Variants in HTR4 observed in about 807,000 individuals in gnomAD.
The protein encoded by HTR4 is 5-hydroxytryptamine receptor 4.
HTR4 carries 16 observed loss-of-function variants against 36.8 expected under a neutral mutation model. The observed-to-expected ratio is 0.43, with a 90% CI of 0.29 to 0.66. The LOEUF is 0.66. HTR4 is among the 30% of genes least tolerant of loss of function. The pLI is 0.13. For synonymous variants in HTR4, 189 were observed against 185.1 expected (o/e 1.02, Z -0.17); for missense variants, 438 against 490.9 (o/e 0.89, Z 1.02).
intron 5 of HTR4, among the ~76,000 whole-genome samples, chr5:148,452,527 C>T (rs1754998810): frequency 1.3e-5 from 2 of 152,124 alleles, no homozygotes; most frequent in South Asian, 4.1e-4. Flanking sequence ...CAGTGTTGTA[C>T]GATACATAGC....
intron 5 of HTR4, among the ~76,000 whole-genome samples, chr5:148,515,843 G>A (rs1195637337): frequency 6.6e-6 from 1 of 151,666 alleles, no homozygotes; most frequent in Non-Finnish European, 1.5e-5. Context: ...TTGAATCTCT[G>A]ACTGATGGCT....
At chr5:148,641,259 T>C (rs965814658) in intron 1 of HTR4, among the ~76,000 whole-genome samples, 5 of 152,154 alleles carry the variant, frequency 3.3e-5, no homozygotes, top group African/African-American at 1.2e-4. Context: ...CAGGTACAAG[T>C]TGTGTCACTT....
rs925490214 is a variant in HTR4 at position 148,482,699 on chromosome 5, T to C, written c.*504A>G. The stretch of plus-strand genomic sequence containing the variant: ...AACAGGGCGAAGAAGAGGCAGGGGA[T>C]AGCTTGAACATGGCTGTGACGGACG... On this transcript the variant is annotated 3_prime_UTR_variant, in exon 7 of 7. Coordinates refer to ENST00000377888, the MANE Select transcript of HTR4 (RefSeq NM_000870.7). 17 of 1,004,920 alleles carry C rather than the reference T, an allele frequency of 1.7e-5. No individual in the cohort carries two copies. Among genetic ancestry groups the C allele is most frequent in the Non-Finnish European group, 1.8e-5 (15 of 840,218 alleles). The allele number at this position is 1,004,920 out of a possible 1,614,324, so 62.3% of individuals were successfully genotyped here.
chr5:148,591,161 GCTCT>G (rs1334588824), intron 2 of HTR4, among the ~76,000 whole-genome samples: 1 of 151,944 alleles, frequency 6.6e-6, no homozygotes, highest in Non-Finnish European at 1.5e-5. Context: ...TTATTTCTGG[GCTCT>G]CTATTATGTT....
intron 4 of HTR4, among the ~76,000 whole-genome samples, chr5:148,547,675 T>C (rs964751900): frequency 1.3e-5 from 2 of 152,006 alleles, no homozygotes; most frequent in African/African-American, 4.8e-5. Flanking sequence ...TGAGGATAAC[T>C]TGAGCACAGT....
chr5:148,470,658 C>A (rs1755545846), intron 5 of HTR4, among the ~76,000 whole-genome samples: 1 of 152,226 alleles, frequency 6.6e-6, no homozygotes, highest in Non-Finnish European at 1.5e-5. Context: ...ACTTGGCCCA[C>A]AGAGCTGTAG....
chr5:148,633,191 C>T (rs892825170), intron 2 of HTR4, among the ~76,000 whole-genome samples: 46 of 152,196 alleles, frequency 3.0e-4, no homozygotes, highest in African/African-American at 1.1e-3. Flanking sequence ...GGGCCTGATT[C>T]ACTGCCAGCT....
chr5:148,537,641 T>A (rs1758890483), intron 4 of HTR4, among the ~76,000 whole-genome samples: 1 of 152,126 alleles, frequency 6.6e-6, no homozygotes, highest in Middle Eastern at 3.4e-3. Flanking sequence ...CTAGAAGAGA[T>A]GGATAAATTC....
At chr5:148,633,062 C>A (rs1252426997) in intron 2 of HTR4, among the ~76,000 whole-genome samples, 2 of 152,052 alleles carry the variant, frequency 1.3e-5, no homozygotes, top group African/African-American at 4.8e-5. Flanking sequence ...AAAAAACAGA[C>A]CAATAAAACA....
chr5:148,491,898 A>C (rs1756463920), intron 6 of HTR4, among the ~76,000 whole-genome samples: 2 of 152,180 alleles, frequency 1.3e-5, no homozygotes, highest in Admixed American at 1.3e-4. Context: ...CTCCTAAAAT[A>C]AATGGATTTC....
At chr5:148,469,243 C>T (rs902570351) in intron 5 of HTR4, among the ~76,000 whole-genome samples, 4 of 152,192 alleles carry the variant, frequency 2.6e-5, no homozygotes, top group African/African-American at 7.2e-5. Context: ...ATAGAAACAA[C>T]GGGGTGATAT....
chr5:148,556,437 A>T (rs530147813), intron 2 of HTR4, among the ~76,000 whole-genome samples: 1 of 152,338 alleles, frequency 6.6e-6, no homozygotes, highest in South Asian at 2.1e-4. Context: ...ATCAATTGAG[A>T]AAGTTAGATT....
intron 3 of HTR4, among the ~76,000 whole-genome samples, chr5:148,549,743 C>A (rs1278351026): frequency 6.6e-6 from 1 of 151,826 alleles, no homozygotes; most frequent in Admixed American, 6.6e-5. Flanking sequence ...TAATTGCAGC[C>A]AGGGTTGAGA....
Position 148,597,221 on chromosome 5 carries a change from A to G in HTR4, c.26+39768T>C, listed in dbSNP as rs17108483. Among the ~76,000 whole-genome samples the G allele has an allele frequency of 3.0e-3, 452 of 152,302 alleles. 1 individual carries two copies. Among genetic ancestry groups the G allele is most frequent in the African/African-American group, 0.01 (435 of 41,552 alleles). On this transcript the variant is annotated intron_variant, in intron 2 of 6. Transcript: ENST00000377888. ...TTATTATTCATGGCCCCATTATTGC[A>G]TACATCTCTGACTACATGAACCTCT...
At chr5:148,622,204 T>G (rs1752941189) in intron 2 of HTR4, among the ~76,000 whole-genome samples, 1 of 152,222 alleles carries the variant, frequency 6.6e-6, no homozygotes, top group Admixed American at 6.5e-5. Context: ...GCATCTTCTC[T>G]GTGGTTTAAA....
chr5:148,647,473 G>A (rs1561667375), intron 1 of HTR4, among the ~76,000 whole-genome samples: 1 of 152,186 alleles, frequency 6.6e-6, no homozygotes, highest in Non-Finnish European at 1.5e-5. Context: ...CCTGGGCACT[G>A]GACATTGCCC....
downstream of HTR4, among the ~76,000 whole-genome samples, chr5:148,478,195 T>C (rs538426206): frequency 4.5e-4 from 69 of 152,348 alleles, no homozygotes; most frequent in Non-Finnish European, 7.8e-4. Flanking sequence ...AATTAAACTA[T>C]AGCAAATAGA....
chr5:148,635,979 C>G (rs940491171), intron 2 of HTR4, among the ~76,000 whole-genome samples: 9 of 152,090 alleles, frequency 5.9e-5, no homozygotes, highest in Non-Finnish European at 1.3e-4. Context: ...AGAACACAAC[C>G]TTATTTGAAA....
intron 1 of HTR4, among the ~76,000 whole-genome samples, chr5:148,648,587 T>C (rs557416251): frequency 2.4e-4 from 36 of 152,302 alleles, no homozygotes; most frequent in African/African-American, 8.2e-4. Flanking sequence ...AAAATACTGG[T>C]CTTGAAGTCA....
Sources: gnomAD v4.1 joint callset for allele counts (sites outside exome capture counted in the v4.1 genomes callset) on GRCh38, gnomAD v4.1.1 for gene constraint, MANE v1.5 for transcripts, NCBI Gene and HGNC (gene_info 2026-07-23, HGNC 2026-07-21) for gene names.